The following DNAI2 variants were observed in gnomAD, a reference collection of about 807,000 sequenced individuals.
DNAI2 encodes dynein, axonemal, intermediate polypeptide 2.
A neutral mutation model predicts 74.7 loss-of-function variants in DNAI2; 63 were observed. The ratio of observed to expected loss-of-function variants is 0.84; its 90% CI spans 0.69 to 1.04. The LOEUF is 1.04. DNAI2 is among the 50% of genes least tolerant of loss of function. The pLI, the probability that DNAI2 is intolerant of heterozygous loss-of-function variation, is 0.00. For missense variants in DNAI2, 688 were observed against 803.2 expected (o/e 0.86, Z 1.73); for synonymous variants, 289 against 314.9 (o/e 0.92, Z 0.87).
At chr17:74,293,027 G>T (rs1175802244) in intron 6 of DNAI2, among the ~76,000 whole-genome samples, 2 of 151,608 alleles carry the variant, frequency 1.3e-5, no homozygotes, top group Admixed American at 6.6e-5. Flanking sequence ...TAGAGACGGG[G>T]TTTCACCGTG....
intron 8 of DNAI2, among the ~76,000 whole-genome samples, chr17:74,301,944 A>AAT (rs1408951755): frequency 3.6e-5 from 1 of 28,036 alleles, no homozygotes; most frequent in African/African-American, 1.5e-4. Flanking sequence ...GGAAGGAAGG[A>AAT]AGGAAGGAAG....
In DNAI2 at chr17:74,311,993, G is replaced by C. The variant is rs762668832; in HGVS notation, c.1495-10G>C. On this transcript the variant is annotated splice_polypyrimidine_tract_variant and intron_variant, in intron 11 of 13. Coordinates refer to ENST00000311014, the MANE Select transcript of DNAI2 (RefSeq NM_023036.6). The stretch of plus-strand genomic sequence containing the variant: ...TCCCCACCGGGCTCTCTCTGTCCCT[G>C]GGTGCCCAGATGTTTGAGCGTGAGA... 3.1e-6 allele frequency: 5 copies of C among 1,611,138 alleles called. No individual in the cohort carries two copies. In the South Asian group the frequency reaches 5.5e-5, roughly 18 times the overall value.
intron 1 of DNAI2, among the ~76,000 whole-genome samples, chr17:74,279,537 C>A (rs2051277815): frequency 6.6e-6 from 1 of 151,922 alleles, no homozygotes; most frequent in African/African-American, 2.4e-5. Flanking sequence ...CTCACGTAAT[C>A]CTGTTTTTGA....
At position 74,300,110 on chromosome 17, in the gene DNAI2, G is replaced by A. The variant is rs2144029267; in HGVS notation, c.864+253G>A. On this transcript the variant is annotated intron_variant, in intron 7 of 13. Coordinates refer to ENST00000311014, the MANE Select transcript of DNAI2 (RefSeq NM_023036.6). This position sits in a 1 kb window ranked among gnomAD's most constrained non-coding sequence, Gnocchi z 4.5. ...ATTACAGGCGCCTGCCACTATGCCT[G>A]GTTAATTTTTTATTTTTAGTAGAGA... Among the ~76,000 whole-genome samples the A allele has an allele frequency of 6.6e-6, 1 of 152,294 alleles. No individual in the cohort carries two copies. Among genetic ancestry groups the A allele is most frequent in the African/African-American group, 2.4e-5 (1 of 41,556 alleles).
intron 4 of DNAI2, among the ~76,000 whole-genome samples, chr17:74,287,848 G>A (rs2126696): frequency 0.53 from 80,627 of 151,928 alleles, 23,110 homozygotes; most frequent in Non-Finnish European, 0.67. Flanking sequence ...CCAGCTACTC[G>A]GGATGCTGAG....
At chr17:74,281,394 G>A (rs2051379951) in intron 1 of DNAI2, 2 of 341,200 alleles carry the variant, frequency 5.9e-6, no homozygotes, top group Non-Finnish European at 5.3e-6. Flanking sequence ...GAGTAGCTGG[G>A]ATTACAGGTG....
chr17:74,274,536 C>T (rs918742559), intron 1 of DNAI2, among the ~76,000 whole-genome samples, 191 bp downstream of exon 1: 1 of 152,284 alleles, frequency 6.6e-6, no homozygotes, highest in Admixed American at 6.5e-5. Context: ...TTAGTCCTCG[C>T]TGCCCTGGAT....
At chr17:74,311,689 G>A (rs1337527955) in intron 11 of DNAI2, among the ~76,000 whole-genome samples, 3 of 152,174 alleles carry the variant, frequency 2.0e-5, no homozygotes, top group African/African-American at 4.8e-5. Flanking sequence ...CCTGAGACTG[G>A]GATCTCACCA....
Position 74,310,159 on chromosome 17 carries a change from C to T in DNAI2, c.1490C>T (p.Ser497Phe). ...CAGAGGAATGAGAAGAACGTAGCCT[C>T]TTCCGTAAGCACCGGGTGCCTGGGG... ...TLQRNEKNVA[S>F]SMFERETRRE... Residue 497 changes from serine to phenylalanine, a missense_variant, in exon 11 of 14, where the codon TCT (serine) becomes TTT (phenylalanine). Ser to Phe is a radical substitution (Grantham distance 155, BLOSUM62 -2). Transcript: ENST00000311014. 6.2e-7 allele frequency: 1 copy of T among 1,613,508 alleles called. No homozygotes were observed.
intron 2 of DNAI2, among the ~76,000 whole-genome samples, chr17:74,284,602 C>T (rs573464702): frequency 7.9e-5 from 12 of 152,110 alleles, no homozygotes; most frequent in Admixed American, 5.2e-4. Context: ...TTAGTAGAGA[C>T]GGGGTTTCAC....
intron 11 of DNAI2, 49 bp from the exon 12 acceptor site, chr17:74,311,954 G>A: frequency 6.4e-7 from 1 of 1,569,900 alleles, no homozygotes; most frequent in Non-Finnish European, 8.7e-7. Flanking sequence ...GGAGTCGCTT[G>A]CCATCCTGCC....
intron 12 of DNAI2, 109 bp downstream of exon 12, chr17:74,312,339 T>C (rs948301580): frequency 1.9e-5 from 15 of 797,014 alleles, no homozygotes; most frequent in Admixed American, 1.1e-4. Context: ...CAAGTAGTCT[T>C]ACCTGCTAGA....
Position 74,312,080 on chromosome 17 carries a change from G to A in DNAI2, c.1572G>A (p.Lys524=), listed in dbSNP as rs2279122. Residue 524 remains lysine (K), a synonymous_variant, in exon 12 of 14, where the codon AAG becomes AAA. Coordinates refer to ENST00000311014, the MANE Select transcript of DNAI2 (RefSeq NM_023036.6). ...HREMRLKEKG[K]AEGRDEEQTD... is the part of the protein sequence containing the mutation. ...AGATGCGGCTGAAGGAGAAGGGTAA[G>A]GCGGAGGGCAGGGATGAGGAGCAGA... 1.3e-3 allele frequency: 2,089 copies of A among 1,613,252 alleles called. 44 individuals are homozygous for A. The East Asian group carries it at 0.04, about 31-fold the overall frequency.
chr17:74,301,369 A>G (rs1434238194), intron 8 of DNAI2, among the ~76,000 whole-genome samples: 1 of 152,172 alleles, frequency 6.6e-6, no homozygotes, highest in East Asian at 1.9e-4. Context: ...GAAGAAGGAC[A>G]CCATAGTCAT....
At chr17:74,285,420 A>T (rs1531493) in intron 3 of DNAI2, among the ~76,000 whole-genome samples, 1 of 152,116 alleles carries the variant, frequency 6.6e-6, no homozygotes, top group Non-Finnish European at 1.5e-5. Context: ...AGGGCTGACC[A>T]GGCATCAGGA....
intron 6 of DNAI2, among the ~76,000 whole-genome samples, chr17:74,299,445 A>G (rs2144024313): frequency 6.6e-6 from 1 of 152,084 alleles, no homozygotes; most frequent in Admixed American, 6.5e-5. Context: ...TGCCTGTCCT[A>G]TCCCCAGAGG....
intron 6 of DNAI2, among the ~76,000 whole-genome samples, chr17:74,298,903 C>T (rs1225753181): frequency 6.6e-6 from 1 of 152,190 alleles, no homozygotes; most frequent in African/African-American, 2.4e-5. Flanking sequence ...GGATTACAAG[C>T]ATGAGCCACT....
At chr17:74,284,681 G>C (rs2051603360) in intron 2 of DNAI2, among the ~76,000 whole-genome samples, 1 of 152,172 alleles carries the variant, frequency 6.6e-6, no homozygotes, top group South Asian at 2.1e-4. Context: ...CAAAGTGCTG[G>C]GATTACAGGT....
chr17:74,310,184 G>GA lies in DNAI2; in HGVS notation c.1494+25dup, dbSNP rs1436276629. The GA allele has an allele frequency of 5.6e-6, 9 of 1,612,338 alleles. No individual in the cohort carries two copies. In the South Asian group the frequency reaches 7.7e-5, roughly 14 times the overall value. ...CTTCCGTAAGCACCGGGTGCCTGGG[G>GA]AAAATCCCTCCAGCACGTCCCGACC... On this transcript the variant is annotated intron_variant, in intron 11 of 13. Transcript: ENST00000311014.
Sources: gnomAD v4.1 joint callset for allele counts (sites outside exome capture counted in the v4.1 genomes callset) on GRCh38, gnomAD v4.1.1 for gene constraint, Gnocchi (gnomAD v3.1) non-coding constraint, MANE v1.5 for transcripts, NCBI Gene and HGNC (gene_info 2026-07-23, HGNC 2026-07-21) for gene names.